Variants in KCNMA1 observed in about 807,000 individuals in gnomAD.
KCNMA1 encodes Calcium-activated potassium channel subunit alpha-1.
KCNMA1 carries 29 observed loss-of-function variants against 140.0 expected under a neutral mutation model. The observed-to-expected ratio is 0.21, with a 90% confidence interval of 0.15 to 0.28. The LOEUF (loss-of-function observed/expected upper bound fraction) is 0.28, where lower values mean the gene tolerates loss of function less well. KCNMA1 is among the 10% of genes least tolerant of loss of function. KCNMA1 has a pLI of 1.00. For missense variants in KCNMA1, 880 were observed against 1,602.2 expected (o/e 0.55, Z 7.70); for synonymous variants, 612 against 611.9 (o/e 1.00, Z 0.00).
At chr10:76,977,638 C>A (rs1183635120) in intron 19 of KCNMA1, 1 of 702,800 alleles carries the variant, frequency 1.4e-6, no homozygotes, top group African/African-American at 1.7e-5. Flanking sequence ...TTCTTCCCAA[C>A]CTGCCAAGAC....
At chr10:76,967,398 G>A (rs1012684370) in intron 20 of KCNMA1, among the ~76,000 whole-genome samples, 1 of 152,198 alleles carries the variant, frequency 6.6e-6, no homozygotes, top group Non-Finnish European at 1.5e-5. Context: ...AAAGCCACAG[G>A]GAGCTGGGAG....
At chr10:77,508,623 TCTC>T (rs2047162217) in intron 1 of KCNMA1, among the ~76,000 whole-genome samples, 1 of 143,752 alleles carries the variant, frequency 7.0e-6, no homozygotes, top group Non-Finnish European at 1.5e-5. Context: ...TCCCTCTCTC[TCTC>T]TTTTTTTCTT....
At chr10:76,934,452 C>CAA (rs1293408454) in intron 23 of KCNMA1, among the ~76,000 whole-genome samples, 2 of 152,234 alleles carry the variant, frequency 1.3e-5, no homozygotes, top group African/African-American at 4.8e-5. Context: ...TGTGTGCTAT[C>CAA]TTCACAGCAG....
intron 1 of KCNMA1, among the ~76,000 whole-genome samples, chr10:77,547,874 T>C (rs2061811424): frequency 6.6e-6 from 1 of 152,204 alleles, no homozygotes; most frequent in Non-Finnish European, 1.5e-5. Context: ...TAAAGTTTTA[T>C]TGGCACACAG....
chr10:77,425,874 G>A (rs1015476612), intron 1 of KCNMA1, among the ~76,000 whole-genome samples: 3 of 152,146 alleles, frequency 2.0e-5, no homozygotes, highest in African/African-American at 4.8e-5. Context: ...TGTGTTCATC[G>A]CGGTGCTTTC....
intron 2 of KCNMA1, among the ~76,000 whole-genome samples, chr10:77,271,710 T>A (rs1003403113): frequency 6.6e-6 from 1 of 152,192 alleles, no homozygotes; most frequent in Non-Finnish European, 1.5e-5. Flanking sequence ...CATCCCAGAA[T>A]GGCCTTACTG....
chr10:77,342,821 G>T (rs947206845), intron 2 of KCNMA1, among the ~76,000 whole-genome samples: 6 of 152,172 alleles, frequency 3.9e-5, no homozygotes, highest in Non-Finnish European at 8.8e-5. Flanking sequence ...AGTTCTCCAT[G>T]CCTGGAGGAG....
intron 1 of KCNMA1, among the ~76,000 whole-genome samples, chr10:77,622,617 A>G (rs2091680453): frequency 6.6e-6 from 1 of 152,258 alleles, no homozygotes; most frequent in Non-Finnish European, 1.5e-5. Context: ...ATCCAAAAAA[A>G]GAAAAACATT....
chr10:77,285,568 T>G (rs2070505822), intron 2 of KCNMA1, among the ~76,000 whole-genome samples: 1 of 152,176 alleles, frequency 6.6e-6, no homozygotes, highest in African/African-American at 2.4e-5. Context: ...GGATGGTGTT[T>G]TGCCCTTCTT....
chr10:77,478,660 G>T (rs989083675), intron 1 of KCNMA1, among the ~76,000 whole-genome samples: 2 of 152,164 alleles, frequency 1.3e-5, no homozygotes, highest in Admixed American at 1.3e-4. Context: ...TTTCATTTAT[G>T]TCTCTTTTTG....
intron 2 of KCNMA1, among the ~76,000 whole-genome samples, chr10:77,335,665 A>G (rs947997701): frequency 1.3e-5 from 2 of 151,698 alleles, no homozygotes; most frequent in African/African-American, 4.8e-5. Flanking sequence ...CCAGTTGGCT[A>G]TGATGCCATT....
intron 2 of KCNMA1, among the ~76,000 whole-genome samples, chr10:77,402,947 C>G (rs550501150): frequency 1.1e-3 from 167 of 152,268 alleles, no homozygotes; most frequent in Non-Finnish European, 1.1e-3. Context: ...ACTCCTGACC[C>G]AGAGCAGACC....
intron 3 of KCNMA1, among the ~76,000 whole-genome samples, chr10:77,200,115 T>A (rs1341688156): frequency 6.6e-6 from 1 of 152,092 alleles, no homozygotes; most frequent in Non-Finnish European, 1.5e-5. Flanking sequence ...CATGGCTGGC[T>A]AATTTTTGTA....
chr10:77,098,050 C>A (rs2096982144), intron 9 of KCNMA1, among the ~76,000 whole-genome samples: 1 of 152,214 alleles, frequency 6.6e-6, no homozygotes, highest in Admixed American at 6.6e-5. Flanking sequence ...TGCAGACAGT[C>A]AGAACCTCAG....
chr10:77,015,074 G>T (rs2091734299), intron 17 of KCNMA1, among the ~76,000 whole-genome samples: 1 of 151,992 alleles, frequency 6.6e-6, no homozygotes, highest in South Asian at 2.1e-4. Flanking sequence ...CTCTCCACTT[G>T]CTCCAGCTCA....
intron 1 of KCNMA1, among the ~76,000 whole-genome samples, chr10:77,517,689 A>T (rs1392264908): frequency 1.3e-5 from 2 of 152,080 alleles, no homozygotes; most frequent in Non-Finnish European, 2.9e-5. Flanking sequence ...CTTCCTGGTC[A>T]CATCTCCTCC....
chr10:77,602,689 C>G (rs2083045595), intron 1 of KCNMA1, among the ~76,000 whole-genome samples: 2 of 152,152 alleles, frequency 1.3e-5, no homozygotes, highest in African/African-American at 4.8e-5. Flanking sequence ...TCAGTCCTAC[C>G]TAGCAGCCCT....
chr10:77,280,223 G>A (rs1289345961), intron 2 of KCNMA1, among the ~76,000 whole-genome samples: 2 of 152,210 alleles, frequency 1.3e-5, no homozygotes, highest in East Asian at 3.8e-4. Flanking sequence ...TACCAATGCA[G>A]GGGAAAATGA....
chr10:77,003,319 A>T (rs961589148), intron 18 of KCNMA1, among the ~76,000 whole-genome samples: 4 of 152,136 alleles, frequency 2.6e-5, no homozygotes, highest in South Asian at 2.1e-4. Context: ...AAAAAAAAAT[A>T]AAAAATAAAA....
Sources: allele counts gnomAD v4.1 joint callset (sites outside exome capture counted in the v4.1 genomes callset), GRCh38; gene constraint gnomAD v4.1.1; transcripts MANE v1.5; gene names NCBI Gene and HGNC (gene_info 2026-07-23, HGNC 2026-07-21).